Variants in CFAP418 observed in about 807,000 individuals in gnomAD.
CFAP418 encodes the protein cilia and flagella associated protein 418.
In CFAP418, 27 loss-of-function variants were observed where a neutral mutation model predicts 24.7. The observed-to-expected ratio is 1.09, with a 90% confidence interval of 0.81 to 1.51. CFAP418 has a LOEUF of 1.51. Ranked by LOEUF, CFAP418 falls within the 40% of genes most tolerant of loss-of-function variation. CFAP418 has a pLI of 0.00. For missense variants in CFAP418, 257 were observed against 255.2 expected (o/e 1.01, Z -0.05); for synonymous variants, 74 against 87.3 (o/e 0.85, Z 0.85).
chr8:95,257,292 A>C (rs1323022240), intron 4 of CFAP418, among the ~76,000 whole-genome samples: 1 of 152,182 alleles, frequency 6.6e-6, no homozygotes, highest in Non-Finnish European at 1.5e-5. Flanking sequence ...TTTTGTACAG[A>C]GAGTCCTCAA....
Position 95,268,908 on chromosome 8 carries a change from T to A in CFAP418, c.155+127A>T, listed in dbSNP as rs1288664635. The A allele has an allele frequency of 3.8e-6, 4 of 1,058,024 alleles. No homozygotes were observed. In the South Asian group the frequency reaches 6.0e-5, roughly 16 times the overall value. The allele number at this position is 1,058,024 out of a possible 1,614,324, so 65.5% of individuals were successfully genotyped here. On this transcript the variant is annotated intron_variant, in intron 1 of 5. Coordinates refer to ENST00000286688, the MANE Select transcript of CFAP418 (RefSeq NM_177965.4). ...CGCGGAGGGTAGGGCGCTGAGGGTC[T>A]GAACCCTGATGCAAGGAGGGGCTGG...
In CFAP418 at chr8:95,246,560, G is replaced by A. The variant is rs151180356; in HGVS notation, c.*1057C>T. On this transcript the variant is annotated 3_prime_UTR_variant, in exon 6 of 6. Transcript: ENST00000286688. Reference sequence around the variant, plus strand: ...CTATATAGTACATATGTAGCAGGGAGTTTGTGGCAGATTGGAAAGCTCCCA... The same window carrying A: ...CTATATAGTACATATGTAGCAGGGAATTTGTGGCAGATTGGAAAGCTCCCA... 3.3e-5 allele frequency: 5 copies of A among 152,294 alleles called. No homozygotes were observed. In the East Asian group the frequency reaches 9.6e-4, roughly 29 times the overall value. 9.4% of individuals were successfully genotyped at this position (152,294 alleles called of 1,614,324 possible). A position where few individuals can be genotyped will look rare whatever the true frequency, so the allele number is the denominator to read the frequency against.
chr8:95,245,776 A>T lies in CFAP418; in HGVS notation c.*1841T>A, dbSNP rs1029902731. On this transcript the variant is annotated 3_prime_UTR_variant, in exon 6 of 6. Transcript: ENST00000286688. ...TTTTTTTCAAATTAGTGATTTAGTA[A>T]ATTTGCTTACTGGAATAAAAAAGAA... The T allele has an allele frequency of 1.3e-5, 2 of 152,158 alleles. No homozygotes were observed. Among genetic ancestry groups the T allele is most frequent in the African/African-American group, 4.8e-5 (2 of 41,434 alleles). 9.4% of individuals were successfully genotyped at this position (152,158 alleles called of 1,614,324 possible). A position where few individuals can be genotyped will look rare whatever the true frequency, so the allele number is the denominator to read the frequency against.
intron 5 of CFAP418, among the ~76,000 whole-genome samples, chr8:95,249,657 A>G (rs76478327): frequency 1.4e-4 from 19 of 139,948 alleles, no homozygotes; most frequent in Non-Finnish European, 2.4e-4. Flanking sequence ...ATTGGCTCAG[A>G]AAAAAAAAAA....
Position 95,247,662 on chromosome 8 carries a change from G to A in CFAP418, c.579C>T (p.Asp193=), listed in dbSNP as rs1563469324. ...CSWRTIEEVT[D]LQTDHQLRWV... ...AGCGAAGCTGATGATCTGTCTGAAG[G>A]TCAGTCACTTCTTCAATAGTTCTCC... The change falls in exon 6 of 6, where the codon GAC becomes GAT. Residue 193 remains aspartate, a synonymous_variant. Transcript: ENST00000286688. The A allele has an allele frequency of 1.2e-6, 2 of 1,614,130 alleles. No individual in the cohort carries two copies. The highest frequency in any genetic ancestry group is 2.2e-5 in the South Asian group (2 of 91,080).
chr8:95,259,893 C>T lies in CFAP418; in HGVS notation c.321G>A (p.Val107=), dbSNP rs1349758290. ...IEGLGKSCSP[V]YLGGSSIPCG... ...ATGGAATAGAGCTTCCACCAAGGTA[C>T]ACCGGACTGCAACTAGATGTGTTCA... The change falls in exon 4 of 6, where the codon GTG becomes GTA. Residue 107 remains valine (V), a synonymous_variant. Transcript: ENST00000286688. 2.5e-6 allele frequency: 4 copies of T among 1,606,016 alleles called. No individual in the cohort carries two copies. The highest frequency in any genetic ancestry group is 3.4e-6 in the Non-Finnish European group (4 of 1,177,448).
intron 1 of CFAP418, among the ~76,000 whole-genome samples, chr8:95,264,275 C>G (rs1369346413): frequency 6.6e-6 from 1 of 152,170 alleles, no homozygotes. Context: ...GACAGAATAT[C>G]TCAACTACTC....
At chr8:95,255,253 C>T (rs1289860900) in intron 4 of CFAP418, among the ~76,000 whole-genome samples, 2 of 152,256 alleles carry the variant, frequency 1.3e-5, no homozygotes. Context: ...TCCACTCTCT[C>T]TCCAGCCCAG....
At chr8:95,256,060 A>G (rs1811782269) in intron 4 of CFAP418, among the ~76,000 whole-genome samples, 1 of 152,224 alleles carries the variant, frequency 6.6e-6, no homozygotes, top group South Asian at 2.1e-4. Context: ...ATAGTATGTG[A>G]TAGGAGCCTC....
intron 4 of CFAP418, among the ~76,000 whole-genome samples, chr8:95,259,034 C>CTG (rs1203811495): frequency 6.6e-6 from 1 of 152,150 alleles, no homozygotes. Flanking sequence ...TGACACTTGA[C>CTG]TATACAACAG....
At chr8:95,267,309 T>C (rs568639412) in intron 1 of CFAP418, among the ~76,000 whole-genome samples, 61 of 152,222 alleles carry the variant, frequency 4.0e-4, no homozygotes, top group Admixed American at 1.1e-3. Flanking sequence ...TTTTTATAAA[T>C]AAATGTCACT....
chr8:95,255,821 G>T (rs1811777879), intron 4 of CFAP418, among the ~76,000 whole-genome samples: 1 of 152,192 alleles, frequency 6.6e-6, no homozygotes, highest in Non-Finnish European at 1.5e-5. Flanking sequence ...TATATAAAAA[G>T]TGCTCTGGAC....
chr8:95,248,442 T>C (rs80034424), intron 5 of CFAP418, among the ~76,000 whole-genome samples: 7,274 of 152,202 alleles, frequency 0.048, 246 homozygotes, highest in East Asian at 0.13. Flanking sequence ...ATATGGCAAG[T>C]TGAGAGAACA....
intron 1 of CFAP418, among the ~76,000 whole-genome samples, chr8:95,266,794 TC>T (rs1447494677): frequency 6.6e-6 from 1 of 152,208 alleles, no homozygotes; most frequent in Non-Finnish European, 1.5e-5. Flanking sequence ...ACTAAAAAAA[TC>T]TAATGTATTA....
At chr8:95,267,957 G>C (rs76390180) in intron 1 of CFAP418, among the ~76,000 whole-genome samples, 1,653 of 151,848 alleles carry the variant, frequency 0.011, 32 homozygotes, top group African/African-American at 0.036. Flanking sequence ...GAGGAAAAAC[G>C]ACTGGTAAAT....
intron 5 of CFAP418, among the ~76,000 whole-genome samples, chr8:95,250,638 T>A (rs144801392): frequency 0.017 from 2,540 of 152,318 alleles, 44 homozygotes; most frequent in Non-Finnish European, 0.019. Context: ...AAAGGGAAAG[T>A]CAACCTGTAA....
At position 95,245,076 on chromosome 8, in the gene CFAP418, T is replaced by TA. The variant is rs1811594623; in HGVS notation, c.*2540dup. 1 of 152,148 alleles carries TA rather than the reference T, an allele frequency of 6.6e-6. No individual in the cohort carries two copies. The highest frequency in any genetic ancestry group is 2.4e-5 in the African/African-American group (1 of 41,438). 9.4% of individuals were successfully genotyped at this position (152,148 alleles called of 1,614,324 possible). A position where few individuals can be genotyped will look rare whatever the true frequency, so the allele number is the denominator to read the frequency against. On this transcript the variant is annotated 3_prime_UTR_variant, in exon 6 of 6. Transcript: ENST00000286688. ...CTTAAAAATAGCTACTTGCTAAAGA[T>TA]AGAAAATTATTATAAATCTTAAAAA...
At chr8:95,252,074 C>T (rs1811717947) in intron 5 of CFAP418, 114 bp downstream of exon 5, 2 of 720,828 alleles carry the variant, frequency 2.8e-6, no homozygotes, top group Non-Finnish European at 4.9e-6. Flanking sequence ...CATGACTATA[C>T]TGAAGAGGTG....
chr8:95,255,000 C>T (rs757527146), intron 4 of CFAP418, among the ~76,000 whole-genome samples: 15 of 152,118 alleles, frequency 9.9e-5, no homozygotes, highest in Non-Finnish European at 1.9e-4. Context: ...TGACCTTTTC[C>T]CTATAGCCAT....
Sources: allele counts gnomAD v4.1 joint callset (sites outside exome capture counted in the v4.1 genomes callset), GRCh38; gene constraint gnomAD v4.1.1; transcripts MANE v1.5; gene names NCBI Gene and HGNC (gene_info 2026-07-23, HGNC 2026-07-21).